The following PDSS2 variants were observed in gnomAD, a reference collection of about 807,000 sequenced individuals.
PDSS2 encodes the protein all trans-polyprenyl-diphosphate synthase PDSS2.
Under a neutral mutation model 44.5 loss-of-function variants are expected in PDSS2, and 31 were observed. The observed-to-expected ratio is 0.70, with a 90% CI of 0.52 to 0.94. The LOEUF is 0.94. Ranked by LOEUF, PDSS2 falls within the 40% of genes least tolerant of loss-of-function variation. PDSS2 has a pLI of 0.00. For missense variants in PDSS2, 452 were observed against 482.2 expected, an observed-to-expected ratio of 0.94 and a Z score of 0.59; for synonymous variants, 157 against 180.3, an observed-to-expected ratio of 0.87 and a Z score of 1.03.
intron 1 of PDSS2, among the ~76,000 whole-genome samples, chr6:107,403,791 A>G (rs1188415353): frequency 6.6e-6 from 1 of 152,198 alleles, no homozygotes; most frequent in Non-Finnish European, 1.5e-5. Flanking sequence ...TGCACACAGC[A>G]GGGGAGCCCT....
chr6:107,360,963 A>G (rs1778754864), intron 1 of PDSS2, among the ~76,000 whole-genome samples: 1 of 152,214 alleles, frequency 6.6e-6, no homozygotes, highest in Non-Finnish European at 1.5e-5. Context: ...GAGAAGTCTG[A>G]TTTATATAGA....
intron 1 of PDSS2, among the ~76,000 whole-genome samples, 194 bp from the exon 2 acceptor site, chr6:107,334,526 CGTTGTTGTT>C (rs67310767): frequency 6.7e-5 from 10 of 149,244 alleles, no homozygotes; most frequent in African/African-American, 1.2e-4. Context: ...TCTACGGCTG[CGTTGTTGTT>C]GTTGTTGTTG....
intron 1 of PDSS2, among the ~76,000 whole-genome samples, chr6:107,360,394 T>C (rs1778733165): frequency 1.3e-5 from 2 of 152,146 alleles, no homozygotes; most frequent in African/African-American, 4.8e-5. Context: ...GGAAGTACTC[T>C]AGAAAAAGGC....
chr6:107,193,858 C>T lies in PDSS2; in HGVS notation c.1009-4G>A. On this transcript the variant is annotated splice_polypyrimidine_tract_variant and splice_region_variant and intron_variant, in intron 6 of 7. Transcript: ENST00000369037. ...CCAATCTTCCTTTTTCTTGAGCCTA[C>T]AAAAGAAGAGGGGAAAATTAATTTG... 1.3e-6 allele frequency: 2 copies of T among 1,567,190 alleles called. No individual in the cohort carries two copies. Among genetic ancestry groups the T allele is most frequent in the South Asian group, 1.1e-5 (1 of 90,196 alleles).
chr6:107,251,869 A>G (rs1774831969), intron 3 of PDSS2, among the ~76,000 whole-genome samples: 1 of 152,244 alleles, frequency 6.6e-6, no homozygotes, highest in Admixed American at 6.5e-5. Context: ...TGAGACGCAT[A>G]TAAAGATGGA....
intron 6 of PDSS2, among the ~76,000 whole-genome samples, chr6:107,205,725 A>G (rs1772950549): frequency 6.6e-6 from 1 of 151,940 alleles, no homozygotes; most frequent in Admixed American, 6.6e-5. Context: ...ACATGCATCC[A>G]TAGGCCTATA....
chr6:107,198,585 A>G (rs529186386), intron 6 of PDSS2, among the ~76,000 whole-genome samples: 2 of 152,316 alleles, frequency 1.3e-5, no homozygotes, highest in African/African-American at 4.8e-5. Context: ...ACATGGGTAT[A>G]ATATCTAAAT....
At chr6:107,341,516 G>A (rs184579451) in intron 1 of PDSS2, among the ~76,000 whole-genome samples, 1 of 152,292 alleles carries the variant, frequency 6.6e-6, no homozygotes, top group East Asian at 1.9e-4. Context: ...TGTAGGAACT[G>A]ACAGATGAGC....
At chr6:107,160,716 G>T (rs1414458593) in intron 7 of PDSS2, among the ~76,000 whole-genome samples, 8 of 151,846 alleles carry the variant, frequency 5.3e-5, no homozygotes, top group Non-Finnish European at 8.8e-5. Flanking sequence ...TGTAGGGAAA[G>T]AAAACTGTTT....
chr6:107,210,409 G>A, intron 6 of PDSS2, 30 bp downstream of exon 6: 1 of 1,528,898 alleles, frequency 6.5e-7, no homozygotes, highest in Non-Finnish European at 9.0e-7. Flanking sequence ...ATTACTACTG[G>A]TACCTAAAAC....
chr6:107,455,754 C>CAAAAAAAA (rs60783838), intron 1 of PDSS2, among the ~76,000 whole-genome samples: 2 of 55,682 alleles, frequency 3.6e-5, no homozygotes, highest in African/African-American at 8.1e-5. Context: ...GACTCTGTCT[C>CAAAAAAAA]AAAAAAAAAA....
intron 1 of PDSS2, among the ~76,000 whole-genome samples, chr6:107,356,338 G>A (rs1778596937): frequency 1.3e-5 from 2 of 152,102 alleles, no homozygotes; most frequent in Non-Finnish European, 2.9e-5. Flanking sequence ...GAAATAATTA[G>A]CATTGTAATT....
At chr6:107,347,763 T>G (rs752331226) in intron 1 of PDSS2, among the ~76,000 whole-genome samples, 24 of 152,172 alleles carry the variant, frequency 1.6e-4, no homozygotes, top group Non-Finnish European at 2.9e-4. Flanking sequence ...AGACAAGATA[T>G]CTGTATTTGA....
intron 2 of PDSS2, among the ~76,000 whole-genome samples, chr6:107,282,153 G>A (rs1309913825): frequency 1.3e-5 from 2 of 152,126 alleles, no homozygotes; most frequent in African/African-American, 2.4e-5. Flanking sequence ...TGATCCACCC[G>A]CCTTGGCCTC....
At chr6:107,454,900 C>A (rs184692705) in intron 1 of PDSS2, among the ~76,000 whole-genome samples, 1 of 152,282 alleles carries the variant, frequency 6.6e-6, no homozygotes, top group East Asian at 1.9e-4. Context: ...TGCTCCTTTG[C>A]TGAAATAACT....
intron 2 of PDSS2, among the ~76,000 whole-genome samples, chr6:107,289,531 CT>C (rs1253036901): frequency 6.6e-6 from 1 of 151,884 alleles, no homozygotes; most frequent in Non-Finnish European, 1.5e-5. Flanking sequence ...GAAACTATCC[CT>C]AGAAAAAATA....
intron 1 of PDSS2, among the ~76,000 whole-genome samples, chr6:107,424,059 T>TG (rs200711944): frequency 8.9e-4 from 127 of 143,466 alleles, no homozygotes; most frequent in Non-Finnish European, 1.3e-3. Context: ...TTTTTTTTTT[T>TG]GGGACAGGGT....
At chr6:107,242,015 G>A (rs1022710945) in intron 4 of PDSS2, among the ~76,000 whole-genome samples, 1 of 152,156 alleles carries the variant, frequency 6.6e-6, no homozygotes, top group South Asian at 2.1e-4. Context: ...AACCTTGAAA[G>A]CACTCCATGT....
chr6:107,283,143 A>C (rs1776025707), intron 2 of PDSS2, among the ~76,000 whole-genome samples: 1 of 151,120 alleles, frequency 6.6e-6, no homozygotes, highest in Admixed American at 6.6e-5. Flanking sequence ...ACATAGGGAG[A>C]CCTCATCTCA....
Sources: allele counts gnomAD v4.1 joint callset (sites outside exome capture counted in the v4.1 genomes callset), GRCh38; gene constraint gnomAD v4.1.1; transcripts MANE v1.5; gene names NCBI Gene and HGNC (gene_info 2026-07-23, HGNC 2026-07-21).